Variants in MBNL2 observed in about 807,000 individuals in gnomAD.
MBNL2 encodes muscleblind like splicing regulator 2, also known as muscleblind-like protein 2.
A neutral mutation model predicts 41.9 loss-of-function variants in MBNL2; 17 were observed. The ratio of observed to expected loss-of-function variants is 0.41; its 90% CI spans 0.28 to 0.61. The LOEUF (loss-of-function observed/expected upper bound fraction) is 0.61. Among genes scored for constraint, MBNL2 ranks in the 20% least tolerant of loss-of-function variants. The pLI, the probability that MBNL2 is intolerant of heterozygous loss-of-function variation, is 0.35. For synonymous variants in MBNL2, 195 were observed against 182.9 expected, an observed-to-expected ratio of 1.07 and a Z score of -0.53; for missense variants, 336 against 505.6, an observed-to-expected ratio of 0.66 and a Z score of 3.22.
At chr13:97,149,889 G>C in the MBNL2 span, among the ~76,000 whole-genome samples, 16 of 152,252 alleles carry the variant, frequency 1.1e-4, no homozygotes, top group Admixed American at 1.0e-3. Flanking sequence ...CAGGGGAGTC[G>C]TTCTCCCAGA....
chr13:97,302,060 C>A (rs923164879), intron 2 of MBNL2, among the ~76,000 whole-genome samples: 7 of 152,194 alleles, frequency 4.6e-5, no homozygotes, highest in African/African-American at 1.4e-4. Flanking sequence ...AATTCCTCAG[C>A]ACATACTTGG....
intron 5 of MBNL2, among the ~76,000 whole-genome samples, chr13:97,351,043 T>C (rs1021525882): frequency 6.6e-6 from 1 of 152,238 alleles, no homozygotes; most frequent in African/African-American, 2.4e-5. Flanking sequence ...ACTTGATAGT[T>C]GAAATAACTC....
At chr13:97,308,800 A>T (rs961681400) in intron 2 of MBNL2, among the ~76,000 whole-genome samples, 1 of 152,222 alleles carries the variant, frequency 6.6e-6, no homozygotes, top group Admixed American at 6.5e-5. Context: ...GCATGCAAGG[A>T]TGAGTAAGTT....
chr13:97,169,514 C>A, the MBNL2 span, among the ~76,000 whole-genome samples: 2 of 152,348 alleles, frequency 1.3e-5, no homozygotes, highest in Admixed American at 1.3e-4. Context: ...CAAGATTTCT[C>A]TGATCTCATA....
chr13:97,223,801 C>G (rs1052077056), intron 1 of MBNL2, among the ~76,000 whole-genome samples: 1 of 152,178 alleles, frequency 6.6e-6, no homozygotes, highest in Non-Finnish European at 1.5e-5. Flanking sequence ...GGCAATGCCA[C>G]GTAGATTCTT....
chr13:97,367,392 A>G (rs1333808358), intron 8 of MBNL2, among the ~76,000 whole-genome samples: 2 of 152,200 alleles, frequency 1.3e-5, no homozygotes, highest in African/African-American at 4.8e-5. Flanking sequence ...TTCATTGCGC[A>G]TGCCCTCCCT....
At chr13:97,345,669 G>T (rs529596320) in intron 4 of MBNL2, among the ~76,000 whole-genome samples, 3 of 151,886 alleles carry the variant, frequency 2.0e-5, no homozygotes, top group Non-Finnish European at 4.4e-5. Context: ...TGGTGTCTTA[G>T]ATATTGTTCT....
At chr13:97,179,544 A>C in the MBNL2 span, 1 of 152,202 alleles carries the variant, frequency 6.6e-6, no homozygotes, top group African/African-American at 2.4e-5. Flanking sequence ...TTCTGGGCTG[A>C]TTCCTTAGCA....
the MBNL2 span, among the ~76,000 whole-genome samples, chr13:97,164,137 G>A: frequency 6.6e-6 from 1 of 152,130 alleles, no homozygotes; most frequent in Non-Finnish European, 1.5e-5. Context: ...CTCTCAAGTA[G>A]CCTGGACTAT....
At chr13:97,388,609 C>G (rs2066133864) in intron 8 of MBNL2, among the ~76,000 whole-genome samples, 2 of 152,158 alleles carry the variant, frequency 1.3e-5, no homozygotes, top group South Asian at 4.2e-4. Context: ...CCCACACTCC[C>G]CTGGGACTCT....
chr13:97,200,881 C>A, the MBNL2 span, among the ~76,000 whole-genome samples: 18 of 152,292 alleles, frequency 1.2e-4, no homozygotes, highest in Admixed American at 2.6e-4. Context: ...ACCTTGGCTG[C>A]CTGACCTTCC....
the MBNL2 span, among the ~76,000 whole-genome samples, chr13:97,152,417 A>G: frequency 1.3e-5 from 2 of 152,178 alleles, no homozygotes; most frequent in Admixed American, 6.6e-5. Context: ...AAAGTGAAGT[A>G]CATGAGTTTT....
At chr13:97,234,482 G>T (rs529881943) in intron 1 of MBNL2, among the ~76,000 whole-genome samples, 20 of 152,230 alleles carry the variant, frequency 1.3e-4, no homozygotes, top group African/African-American at 4.8e-4. Context: ...CTTGGTTCAG[G>T]CCTGAGCACA....
chr13:97,147,545 T>C, the MBNL2 span, among the ~76,000 whole-genome samples: 1 of 152,174 alleles, frequency 6.6e-6, no homozygotes, highest in African/African-American at 2.4e-5. Context: ...GTAAATGAAA[T>C]AGTACATTTC....
At chr13:97,271,934 T>C (rs561114995) in intron 1 of MBNL2, among the ~76,000 whole-genome samples, 9 of 152,234 alleles carry the variant, frequency 5.9e-5, no homozygotes, top group Non-Finnish European at 1.3e-4. Flanking sequence ...TTTGGGTATA[T>C]ATACCCAGTA....
intron 2 of MBNL2, among the ~76,000 whole-genome samples, chr13:97,329,429 A>C (rs2060181088): frequency 6.6e-6 from 1 of 152,128 alleles, no homozygotes. Context: ...TTTCAACAGC[A>C]GGAACTTCAT....
chr13:97,379,263 A>G (rs2065220658), intron 8 of MBNL2, among the ~76,000 whole-genome samples: 2 of 152,216 alleles, frequency 1.3e-5, no homozygotes, highest in Admixed American at 1.3e-4. Flanking sequence ...ATTTCAGTCC[A>G]GTGAACCAGA....
chr13:97,391,512 A>G lies in MBNL2; in HGVS notation c.*63A>G. On this transcript the variant is annotated 3_prime_UTR_variant, in exon 9 of 9. Coordinates refer to ENST00000679496, the MANE Select transcript of MBNL2 (RefSeq NM_001382683.1). ...AGAAGCTAGTGCTGCTATCTCATAT[A>G]TGAGTATTAAATATGGTATGCTTAG... 1.3e-6 allele frequency: 1 copy of G among 784,402 alleles called. No individual in the cohort carries two copies. The highest frequency in any genetic ancestry group is 2.3e-6 in the Non-Finnish European group (1 of 434,094). The allele number at this position is 784,402 out of a possible 1,614,324, so 48.6% of individuals were successfully genotyped here. A position where few individuals can be genotyped will look rare whatever the true frequency, so the allele number is the denominator to read the frequency against.
At position 97,238,587 on chromosome 13, in the gene MBNL2, G is replaced by A. The variant is rs76894432; in HGVS notation, c.-605+16056G>A. Among the ~76,000 whole-genome samples, 1,249 of 152,280 alleles carry A rather than the reference G, an allele frequency of 8.2e-3. 16 individuals carry two copies. Among genetic ancestry groups the A allele is most frequent in the African/African-American group, 0.029 (1,191 of 41,550 alleles). On this transcript the variant is annotated intron_variant, in intron 1 of 8. Coordinates refer to ENST00000679496, the MANE Select transcript of MBNL2 (RefSeq NM_001382683.1). ...TATGAGGTGCAGAAGCCAAGACAAC[G>A]CCTCTGACCTTTGGGAAAGTCCCTT...
Sources: gnomAD v4.1 joint callset for allele counts (sites outside exome capture counted in the v4.1 genomes callset) on GRCh38, gnomAD v4.1.1 for gene constraint, MANE v1.5 for transcripts, NCBI Gene and HGNC (gene_info 2026-07-23, HGNC 2026-07-21) for gene names.